DSTYK: variants seen among roughly 807,000 people sequenced by gnomAD.
The protein encoded by DSTYK is RIP-homologous kinase.
In DSTYK, 34 loss-of-function variants were observed where a neutral mutation model predicts 98.7. That is an observed-to-expected ratio of 0.34 (90% CI 0.26 to 0.46). The LOEUF (loss-of-function observed/expected upper bound fraction) is 0.46. Ranked by LOEUF, DSTYK falls within the 20% of genes least tolerant of loss-of-function variation. DSTYK has a pLI of 1.00. For synonymous variants in DSTYK, 462 were observed against 457.3 expected, an observed-to-expected ratio of 1.01 and a Z score of -0.13; for missense variants, 962 against 1,181.7, an observed-to-expected ratio of 0.81 and a Z score of 2.73.
chr1:205,157,328 C>T lies in DSTYK; in HGVS notation c.2297G>A (p.Arg766His), dbSNP rs776706190. 6.2e-6 allele frequency: 10 copies of T among 1,614,000 alleles called. No homozygotes were observed. The highest frequency in any genetic ancestry group is 3.3e-5 in the South Asian group (3 of 91,080). ...GACAAGTCCCTGGCTGTGCAGGAAG[C>T]GGATTCCCTCCACCACATCTAGTGC... is the stretch of plus-strand genomic sequence containing the variant. ...QIALDVVEGI[R>H]FLHSQGLVHR... The change falls in exon 10 of 13, where the codon CGC (arginine) becomes CAC (histidine). Residue 766 changes from arginine to histidine, a missense_variant. By Grantham distance (29) the Arg-to-His change is conservative. Coordinates refer to ENST00000367162, the MANE Select transcript of DSTYK (RefSeq NM_015375.3).
chr1:205,166,021 C>CAA (rs11458364), intron 3 of DSTYK, among the ~76,000 whole-genome samples: 3 of 148,566 alleles, frequency 2.0e-5, no homozygotes, highest in African/African-American at 7.4e-5. Flanking sequence ...GATCCTGTCT[C>CAA]AAAAAAAAAT....
chr1:205,194,301 A>G (rs532130994), intron 1 of DSTYK, among the ~76,000 whole-genome samples: 2 of 152,310 alleles, frequency 1.3e-5, no homozygotes, highest in Non-Finnish European at 1.5e-5. Context: ...TTCAGCCACT[A>G]CCAATCAATA....
At chr1:205,192,198 C>T (rs1041313233) in intron 1 of DSTYK, among the ~76,000 whole-genome samples, 2 of 152,118 alleles carry the variant, frequency 1.3e-5, no homozygotes, top group Non-Finnish European at 2.9e-5. Context: ...TTAATGCTCA[C>T]AATTCTACAA....
intron 1 of DSTYK, among the ~76,000 whole-genome samples, chr1:205,202,028 C>G (rs1659054462): frequency 6.6e-6 from 1 of 150,838 alleles, no homozygotes; most frequent in Non-Finnish European, 1.5e-5. Flanking sequence ...CCACTGCACT[C>G]CAGCCTGGGC....
intron 1 of DSTYK, among the ~76,000 whole-genome samples, chr1:205,199,481 A>G (rs886180650): frequency 1.3e-5 from 2 of 152,136 alleles, no homozygotes; most frequent in African/African-American, 4.8e-5. Context: ...AAGCAAGGAG[A>G]CACACATCTT....
chr1:205,211,130 T>A, intron 1 of DSTYK, 141 bp downstream of exon 1: 1 of 1,281,526 alleles, frequency 7.8e-7, no homozygotes, highest in Non-Finnish European at 1.0e-6. Flanking sequence ...GGCCGGCCCA[T>A]GCCCGGGGAC....
At chr1:205,205,568 C>G (rs1461437937) in intron 1 of DSTYK, among the ~76,000 whole-genome samples, 1 of 152,046 alleles carries the variant, frequency 6.6e-6, no homozygotes, top group Non-Finnish European at 1.5e-5. Context: ...GCCTCAGCCT[C>G]CTGAGCAGCT....
chr1:205,170,676 A>G (rs2887527), intron 2 of DSTYK, among the ~76,000 whole-genome samples: 121,228 of 152,150 alleles, frequency 0.8, 49,769 homozygotes, highest in East Asian at 0.97. Flanking sequence ...TGGTATGGCA[A>G]AGACCAAGGT....
intron 1 of DSTYK, among the ~76,000 whole-genome samples, chr1:205,209,320 A>C (rs1659295108): frequency 6.6e-6 from 1 of 152,216 alleles, no homozygotes; most frequent in African/African-American, 2.4e-5. Flanking sequence ...ACCTCTGGAA[A>C]GCACTGTTAT....
chr1:205,192,749 C>A (rs1658748299), intron 1 of DSTYK, among the ~76,000 whole-genome samples: 1 of 152,066 alleles, frequency 6.6e-6, no homozygotes, highest in Admixed American at 6.6e-5. Flanking sequence ...GTAATCCCAG[C>A]TATTCGGGAG....
chr1:205,199,426 A>G (rs1658961325), intron 1 of DSTYK, among the ~76,000 whole-genome samples: 1 of 152,214 alleles, frequency 6.6e-6, no homozygotes, highest in Non-Finnish European at 1.5e-5. Flanking sequence ...TTGGAGGAAC[A>G]TTACGCATAA....
At position 205,162,187 on chromosome 1, in the gene DSTYK, C is replaced by A; in HGVS notation, c.1667G>T (p.Ser556Ile). 2 of 1,614,158 alleles carry A rather than the reference C, an allele frequency of 1.2e-6. No homozygotes were observed. The highest frequency in any genetic ancestry group is 1.7e-6 in the Non-Finnish European group (2 of 1,180,000). The change falls in exon 6 of 13, where the codon AGC (serine) becomes ATC (isoleucine). Residue 556 changes from serine to isoleucine, a missense_variant. By Grantham distance (142) the Ser-to-Ile change is moderately radical (BLOSUM62 -2). This residue lies in a region of DSTYK where 660 missense variants were observed against 855.0 expected (regional missense o/e 0.77). Transcript: ENST00000367162. ...CCATTCCAGAGTGATGGCAGGTGGG[C>A]TCACCCATGTGATGCGCTGGATGAT... ...KQIIQRITWV[S>I]PPAITLEWKR...
intron 5 of DSTYK, among the ~76,000 whole-genome samples, chr1:205,162,563 C>T (rs1417908262): frequency 1.3e-5 from 2 of 152,180 alleles, no homozygotes; most frequent in East Asian, 1.9e-4. Context: ...CTGGCAACAA[C>T]AAAGCCTAGT....
At chr1:205,204,977 C>G (rs948981687) in intron 1 of DSTYK, among the ~76,000 whole-genome samples, 2 of 152,140 alleles carry the variant, frequency 1.3e-5, no homozygotes, top group African/African-American at 4.8e-5. Context: ...AGGTTTCATT[C>G]AAATGCTATG....
intron 1 of DSTYK, among the ~76,000 whole-genome samples, chr1:205,192,284 G>A (rs1180499366): frequency 6.6e-6 from 1 of 151,778 alleles, no homozygotes; most frequent in East Asian, 2.0e-4. Context: ...ATAATCCCAG[G>A]ACTTTGGGAG....
intron 7 of DSTYK, among the ~76,000 whole-genome samples, 195 bp from the exon 8 acceptor site, chr1:205,160,465 A>G (rs1351575587): frequency 2.0e-5 from 3 of 151,682 alleles, no homozygotes; most frequent in African/African-American, 4.8e-5. Flanking sequence ...GCTCCCAAGT[A>G]GTTGGGATTA....
intron 4 of DSTYK, among the ~76,000 whole-genome samples, chr1:205,163,480 A>G (rs746088150): frequency 4.6e-5 from 7 of 152,150 alleles, no homozygotes; most frequent in Admixed American, 2.0e-4. Flanking sequence ...CAGCCTCCCA[A>G]AGTGCTGGGA....
chr1:205,147,782 A>C, intron 12 of DSTYK, 37 bp from the exon 13 acceptor site: 15 of 1,600,674 alleles, frequency 9.4e-6, no homozygotes, highest in Non-Finnish European at 1.3e-5. Context: ...TCACAGTGAG[A>C]GGGACCCAGC....
intron 2 of DSTYK, among the ~76,000 whole-genome samples, chr1:205,177,693 C>T (rs1428943836): frequency 6.6e-6 from 1 of 151,906 alleles, no homozygotes; most frequent in Non-Finnish European, 1.5e-5. Flanking sequence ...ATACTGAAAC[C>T]TTATCTCTAC....
Sources: gnomAD v4.1 joint callset for allele counts (sites outside exome capture counted in the v4.1 genomes callset) on GRCh38, gnomAD v4.1.1 for gene constraint, gnomAD v4.1.1 regional missense constraint, MANE v1.5 for transcripts, NCBI Gene and HGNC (gene_info 2026-07-23, HGNC 2026-07-21) for gene names.